SUGCT: variants seen among roughly 807,000 people sequenced by gnomAD.
SUGCT encodes succinyl-CoA:glutarate-CoA transferase, also known as succinyl-CoA:glutarate CoA-transferase.
In SUGCT, 41 loss-of-function variants were observed where a neutral mutation model predicts 55.0. The observed-to-expected ratio is 0.74, with a 90% CI of 0.58 to 0.97. SUGCT has a LOEUF of 0.97. Among genes scored for constraint, SUGCT ranks in the 50% least tolerant of loss-of-function variants. The probability of loss-of-function intolerance (pLI) is 0.00; values close to 1 mark genes in which losing one functional copy is unlikely to be tolerated. For missense variants in SUGCT, 568 were observed against 547.8 expected (o/e 1.04, Z -0.37); for synonymous variants, 187 against 200.4 (o/e 0.93, Z 0.56).
At chr7:40,782,132 A>G (rs986144772) in intron 13 of SUGCT, among the ~76,000 whole-genome samples, 1 of 152,006 alleles carries the variant, frequency 6.6e-6, no homozygotes, top group African/African-American at 2.4e-5. Flanking sequence ...AAAGGCATAA[A>G]CCTTATTTTT....
intron 12 of SUGCT, among the ~76,000 whole-genome samples, chr7:40,735,666 A>T (rs1052107852): frequency 5.3e-5 from 8 of 152,202 alleles, no homozygotes; most frequent in Admixed American, 2.6e-4. Context: ...GACATCCAAA[A>T]GTCAGCAATG....
chr7:40,477,578 G>A (rs1790771955), intron 11 of SUGCT, among the ~76,000 whole-genome samples: 1 of 152,250 alleles, frequency 6.6e-6, no homozygotes, highest in East Asian at 1.9e-4. Flanking sequence ...CCATTTTCAT[G>A]TTGGTGTATT....
intron 13 of SUGCT, among the ~76,000 whole-genome samples, chr7:40,771,766 A>G (rs893220628): frequency 1.3e-5 from 2 of 152,206 alleles, no homozygotes; most frequent in African/African-American, 2.4e-5. Context: ...AAAAACATGT[A>G]ATCTAATAGG....
intron 12 of SUGCT, among the ~76,000 whole-genome samples, chr7:40,737,947 G>A (rs116375641): frequency 0.021 from 3,145 of 151,146 alleles, 104 homozygotes; most frequent in African/African-American, 0.073. Context: ...AAAAAAGGCC[G>A]GGCGCAGAGG....
intron 8 of SUGCT, among the ~76,000 whole-genome samples, chr7:40,297,970 C>T (rs1794269377): frequency 6.6e-6 from 1 of 150,648 alleles, no homozygotes; most frequent in Non-Finnish European, 1.5e-5. Context: ...TAAACATAGC[C>T]TTTTTTTTTG....
intron 13 of SUGCT, among the ~76,000 whole-genome samples, chr7:40,859,266 C>G (rs1156692642): frequency 6.6e-6 from 1 of 152,148 alleles, no homozygotes; most frequent in Non-Finnish European, 1.5e-5. Context: ...CCAGCCTCTC[C>G]GTGGAAGAGT....
At chr7:40,738,483 G>A (rs1370461695) in intron 12 of SUGCT, among the ~76,000 whole-genome samples, 1 of 152,138 alleles carries the variant, frequency 6.6e-6, no homozygotes, top group East Asian at 1.9e-4. Context: ...ACTTAGAAAG[G>A]TTGCATATAT....
intron 12 of SUGCT, among the ~76,000 whole-genome samples, chr7:40,592,621 A>G (rs1797789925): frequency 6.6e-6 from 1 of 152,226 alleles, no homozygotes; most frequent in Non-Finnish European, 1.5e-5. Flanking sequence ...GAAGTAAAGT[A>G]GTGCCAGGGG....
intron 12 of SUGCT, among the ~76,000 whole-genome samples, chr7:40,698,380 C>T (rs1785031806): frequency 6.6e-6 from 1 of 152,180 alleles, no homozygotes; most frequent in Admixed American, 6.5e-5. Flanking sequence ...CTTGCCCTGA[C>T]TTGCAGGACT....
intron 1 of SUGCT, among the ~76,000 whole-genome samples, chr7:40,172,859 C>A (rs1475429537): frequency 2.0e-5 from 3 of 152,152 alleles, no homozygotes; most frequent in African/African-American, 7.2e-5. Context: ...AGTGTTAAGT[C>A]CAGCAGCCAT....
intron 7 of SUGCT, among the ~76,000 whole-genome samples, chr7:40,258,560 G>C (rs369807741): frequency 6.6e-6 from 1 of 152,138 alleles, no homozygotes; most frequent in African/African-American, 2.4e-5. Flanking sequence ...TGTGGTTTTA[G>C]TAGAGACAGA....
intron 5 of SUGCT, among the ~76,000 whole-genome samples, chr7:40,193,530 C>T (rs1027983535): frequency 6.6e-6 from 1 of 151,976 alleles, no homozygotes; most frequent in African/African-American, 2.4e-5. Flanking sequence ...AGTGATCTGC[C>T]TACCTAGGCC....
At chr7:40,949,559 G>T in the SUGCT span, among the ~76,000 whole-genome samples, 2 of 152,118 alleles carry the variant, frequency 1.3e-5, no homozygotes, top group African/African-American at 4.8e-5. Context: ...GTATTGCCTA[G>T]GTTTTCTTCT....
At chr7:40,998,134 A>C in the SUGCT span, among the ~76,000 whole-genome samples, 1 of 152,156 alleles carries the variant, frequency 6.6e-6, no homozygotes, top group East Asian at 1.9e-4. Context: ...TGAGAGACTG[A>C]GGTGGGCAGA....
At chr7:40,269,234 T>G (rs147052659) in intron 7 of SUGCT, among the ~76,000 whole-genome samples, 3 of 152,332 alleles carry the variant, frequency 2.0e-5, no homozygotes, top group African/African-American at 7.2e-5. Context: ...CCATTGGTCA[T>G]TTGTATCTAG....
At chr7:40,757,610 G>A (rs988833473) in intron 13 of SUGCT, among the ~76,000 whole-genome samples, 2 of 152,154 alleles carry the variant, frequency 1.3e-5, no homozygotes, top group African/African-American at 4.8e-5. Context: ...TTTCCTGGGG[G>A]AATATTTAAC....
chr7:41,022,151 C>G, the SUGCT span, among the ~76,000 whole-genome samples: 3 of 152,090 alleles, frequency 2.0e-5, no homozygotes, highest in African/African-American at 7.2e-5. Flanking sequence ...CACCTAGATA[C>G]CTTGTATGTG....
At chr7:40,419,682 A>G (rs1441406808) in intron 9 of SUGCT, among the ~76,000 whole-genome samples, 9 of 152,130 alleles carry the variant, frequency 5.9e-5, no homozygotes. Flanking sequence ...GCTAAGAGGC[A>G]TTGTTTGGAG....
rs762638562 is a variant in SUGCT, at chr7:40,491,468, T to C, written c.987-4816T>C. ...CCTAGGTTTATGAAGGAAATGGAAA[T>C]CATAAAATCTTCCGTGGTCATGATA... On this transcript the variant is annotated intron_variant, in intron 11 of 13. Transcript: ENST00000335693. Among the ~76,000 whole-genome samples, 140 of 151,956 alleles carry C rather than the reference T, an allele frequency of 9.2e-4. 6 individuals carry two copies. Among genetic ancestry groups the C allele is most frequent in the Non-Finnish European group, 3.1e-4 (21 of 67,962 alleles).
Sources: allele counts gnomAD v4.1 joint callset (sites outside exome capture counted in the v4.1 genomes callset), GRCh38; gene constraint gnomAD v4.1.1; transcripts MANE v1.5; gene names NCBI Gene and HGNC (gene_info 2026-07-23, HGNC 2026-07-21).